CCL28: variants seen among roughly 807,000 people sequenced by gnomAD.
CCL28 encodes C-C motif chemokine ligand 28.
CCL28 carries 4 observed loss-of-function variants against 7.1 expected under a neutral mutation model. The ratio of observed to expected loss-of-function variants is 0.56; its 90% CI spans 0.28 to 1.29. The LOEUF is 1.29. Ranked by LOEUF, CCL28 falls within the 50% of genes most tolerant of loss-of-function variation. The probability of loss-of-function intolerance (pLI) is 0.11; values close to 1 mark genes in which losing one functional copy is unlikely to be tolerated. For synonymous variants in CCL28, 55 were observed against 57.8 expected (o/e 0.95, Z 0.22); for missense variants, 151 against 163.4 (o/e 0.92, Z 0.41).
chr5:43,367,018 G>A, the CCL28 span, among the ~76,000 whole-genome samples: 18 of 152,276 alleles, frequency 1.2e-4, no homozygotes, highest in African/African-American at 2.4e-4. Flanking sequence ...TGTTTACACC[G>A]TGTTTGTGTT....
At chr5:43,377,763 C>T (rs1275994421), downstream of CCL28, among the ~76,000 whole-genome samples, 1 of 88,448 alleles carries the variant, frequency 1.1e-5, no homozygotes, top group African/African-American at 4.7e-5. Context: ...GACGGAGTCT[C>T]GCTCTGTCGC....
intron 1 of CCL28, among the ~76,000 whole-genome samples, chr5:43,403,646 C>G (rs756955617): frequency 2.6e-5 from 4 of 152,174 alleles, no homozygotes; most frequent in Non-Finnish European, 5.9e-5. Context: ...AGCAATGGAA[C>G]AAAGCTGGAT....
chr5:43,412,155 GAGAT>G (rs575071732), intron 1 of CCL28, 94 bp downstream of exon 1: 19 of 790,632 alleles, frequency 2.4e-5, no homozygotes, highest in Non-Finnish European at 3.6e-5. Flanking sequence ...CCTGCTTGAA[GAGAT>G]AGATATTCTT....
At chr5:43,382,943 C>T (rs996475059) in intron 2 of CCL28, among the ~76,000 whole-genome samples, 10 of 152,008 alleles carry the variant, frequency 6.6e-5, no homozygotes, top group East Asian at 5.8e-4. Flanking sequence ...CTCAGCCTCC[C>T]GAGTAGCTGG....
chr5:43,385,670 T>C (rs1740308241), intron 2 of CCL28, among the ~76,000 whole-genome samples: 1 of 152,170 alleles, frequency 6.6e-6, no homozygotes, highest in African/African-American at 2.4e-5. Flanking sequence ...TAAATTTAAT[T>C]TTATTTGAGA....
At chr5:43,408,444 A>G (rs1469912264) in intron 1 of CCL28, among the ~76,000 whole-genome samples, 1 of 152,210 alleles carries the variant, frequency 6.6e-6, no homozygotes, top group African/African-American at 2.4e-5. Flanking sequence ...AACAGTGAGA[A>G]CACTTGGACC....
chr5:43,396,072 G>C (rs954355395), intron 1 of CCL28, among the ~76,000 whole-genome samples: 1 of 151,726 alleles, frequency 6.6e-6, no homozygotes, highest in Non-Finnish European at 1.5e-5. Context: ...GGGTTTCACC[G>C]TGTTAGCCAG....
chr5:43,384,462 A>G lies in CCL28; in HGVS notation c.192-2410T>C, dbSNP rs576955926. On this transcript the variant is annotated intron_variant, in intron 2 of 2. Transcript: ENST00000361115. ...CTTCTTAAATCTCTACTTGGATCCC[A>G]TGTATTTTCCACCAGGATAGAAAGA... Among the ~76,000 whole-genome samples, 224 of 152,318 alleles carry G rather than the reference A, an allele frequency of 1.5e-3. 1 individual carries two copies. The highest frequency in any genetic ancestry group is 2.0e-3 in the Non-Finnish European group (133 of 68,022).
At chr5:43,360,562 G>T in the CCL28 span, among the ~76,000 whole-genome samples, 1 of 152,112 alleles carries the variant, frequency 6.6e-6, no homozygotes, top group Non-Finnish European at 1.5e-5. Flanking sequence ...AAGGATAATG[G>T]CCTCCAGCTT....
At chr5:43,401,013 G>A (rs553860630) in intron 1 of CCL28, among the ~76,000 whole-genome samples, 1 of 151,574 alleles carries the variant, frequency 6.6e-6, no homozygotes, top group East Asian at 1.9e-4. Context: ...AACCTGGGAG[G>A]CAGAGGTTGC....
chr5:43,361,539 GCATCTTCAT>G, the CCL28 span, among the ~76,000 whole-genome samples: 4 of 152,192 alleles, frequency 2.6e-5, no homozygotes, highest in Admixed American at 1.3e-4. Context: ...AGTGCTTTTG[GCATCTTCAT>G]CATCAAATCT....
At position 43,395,362 on chromosome 5, in the gene CCL28, G is replaced by C. The variant is rs374575379; in HGVS notation, c.65-6886C>G. Among the ~76,000 whole-genome samples the C allele has an allele frequency of 2.4e-4, 36 of 152,120 alleles. 1 individual carries two copies. The highest frequency in any genetic ancestry group is 8.7e-4 in the African/African-American group (36 of 41,482). On this transcript the variant is annotated intron_variant, in intron 1 of 2. Coordinates refer to ENST00000361115, the MANE Select transcript of CCL28 (RefSeq NM_148672.3). ...TTAAATTCTTAGTGTTTGAAGTGAAGGTTCCTGTGCAAAGTAATAGTTTAA... is the reference window on the plus strand; with the variant it reads ...TTAAATTCTTAGTGTTTGAAGTGAACGTTCCTGTGCAAAGTAATAGTTTAA...
At chr5:43,386,159 T>C (rs1740326443) in intron 2 of CCL28, among the ~76,000 whole-genome samples, 1 of 152,248 alleles carries the variant, frequency 6.6e-6, no homozygotes, top group African/African-American at 2.4e-5. Context: ...TTCAGACAGA[T>C]TTAGTGCAGC....
the CCL28 span, among the ~76,000 whole-genome samples, chr5:43,359,628 C>T: frequency 6.6e-6 from 1 of 152,182 alleles, no homozygotes; most frequent in Non-Finnish European, 1.5e-5. Flanking sequence ...ATTTGGGGGC[C>T]TGTTCCCAAC....
chr5:43,411,497 T>C (rs773259224), intron 1 of CCL28, among the ~76,000 whole-genome samples: 10 of 152,162 alleles, frequency 6.6e-5, no homozygotes, highest in Non-Finnish European at 1.5e-4. Flanking sequence ...TTTTTCTTTC[T>C]TTCCTTTCCT....
intron 1 of CCL28, among the ~76,000 whole-genome samples, chr5:43,390,137 T>C (rs1016840920): frequency 7.9e-5 from 12 of 152,190 alleles, no homozygotes; most frequent in African/African-American, 2.7e-4. Context: ...GTTCAGATGA[T>C]ACTGAACAAT....
chr5:43,412,357 G>C lies in CCL28; in HGVS notation c.-41C>G. 6.3e-7 allele frequency: 1 copy of C among 1,583,992 alleles called. No individual in the cohort carries two copies. Among genetic ancestry groups the C allele is most frequent in the South Asian group, 1.1e-5 (1 of 88,928 alleles). ...TGGCACTGACAGCAACACAAGTGAG[G>C]CTGTTCGATCAGGAAATGAGGCTAA... On this transcript the variant is annotated 5_prime_UTR_variant, in exon 1 of 3. Coordinates refer to ENST00000361115, the MANE Select transcript of CCL28 (RefSeq NM_148672.3).
chr5:43,395,558 G>A (rs571881337), intron 1 of CCL28, among the ~76,000 whole-genome samples: 1 of 152,096 alleles, frequency 6.6e-6, no homozygotes, highest in East Asian at 1.9e-4. Flanking sequence ...CACCTACTTG[G>A]GAGGCTAAGG....
intron 2 of CCL28, among the ~76,000 whole-genome samples, chr5:43,386,674 GA>G (rs1740348703): frequency 6.6e-6 from 1 of 152,146 alleles, no homozygotes; most frequent in South Asian, 2.1e-4. Flanking sequence ...AAAATTTCAG[GA>G]AGTTCACAGC....
Sources: allele counts gnomAD v4.1 joint callset (sites outside exome capture counted in the v4.1 genomes callset), GRCh38; gene constraint gnomAD v4.1.1; transcripts MANE v1.5; gene names NCBI Gene and HGNC (gene_info 2026-07-23, HGNC 2026-07-21).